Variants in APOB observed in about 807,000 individuals in gnomAD.
APOB encodes apolipoprotein B-100.
In APOB, 153 loss-of-function variants were observed where a neutral mutation model predicts 314.1. The observed-to-expected ratio is 0.49, with a 90% CI of 0.43 to 0.56. APOB has a LOEUF of 0.56. Among genes scored for constraint, APOB ranks in the 20% least tolerant of loss-of-function variants. The pLI is 0.00. For missense variants in APOB, 5,430 were observed against 5,350.7 expected (o/e 1.01, Z -0.46); for synonymous variants, 2,087 against 2,036.4 (o/e 1.02, Z -0.67).
rs771670099 is a variant in APOB, at chr2:21,006,644, A to G, written c.10224T>C (p.Gly3408=). Residue 3408 remains glycine (G), a synonymous_variant, in exon 26 of 29, where the codon GGT becomes GGC. Coordinates refer to ENST00000233242, the MANE Select transcript of APOB (RefSeq NM_000384.3). ...ALSLSNKFVE[G]SHNSTVSLTT... Reference sequence around the variant, plus strand: ...TTAAGCTCACAGTACTGTTATGACTACCCTCCACAAATTTGTTGCTCAGAG... The same window carrying G: ...TTAAGCTCACAGTACTGTTATGACTGCCCTCCACAAATTTGTTGCTCAGAG... The G allele has an allele frequency of 2.5e-6, 4 of 1,613,992 alleles. No homozygotes were observed. Among genetic ancestry groups the G allele is most frequent in the Non-Finnish European group, 3.4e-6 (4 of 1,179,956 alleles).
rs1663441681 is a variant in APOB at position 21,015,411 on chromosome 2, G to A, written c.3467C>T (p.Ala1156Val). 2 of 1,614,098 alleles carry A rather than the reference G, an allele frequency of 1.2e-6. No individual in the cohort carries two copies. The highest frequency in any genetic ancestry group is 1.7e-6 in the Non-Finnish European group (2 of 1,180,054). The change falls in exon 22 of 29, where the codon GCT (alanine) becomes GTT (valine). Residue 1156 changes from alanine to valine, a missense_variant. Physicochemically the swap from Ala to Val is moderately conservative, Grantham distance 64. Coordinates refer to ENST00000233242, the MANE Select transcript of APOB (RefSeq NM_000384.3). ...CCTCTTGGAAACTGTGGAGCCATAA[G>A]CTGTAGCAGATGAGTCCATTTGGAG... ...LLLQMDSSAT[A>V]YGSTVSKRVA...
At position 21,042,473 on chromosome 2, in the gene APOB, T is replaced by C; in HGVS notation, c.125A>G (p.Asp42Gly). 1 of 1,613,606 alleles carries C rather than the reference T, an allele frequency of 6.2e-7. No individual in the cohort carries two copies. ...CCGGAGGTGCTTGAATCGGGTCGCA[T>C]CTTCTAACGTGGGGAGAAATACGTC... Reference protein sequence around the residue: ...LENVSLVCPKDATRFKHLRKY... With the variant: ...LENVSLVCPKGATRFKHLRKY... Residue 42 changes from aspartate (D) to glycine (G), a missense_variant, in exon 3 of 29, where the codon GAT becomes GGT. By Grantham distance (94) the Asp-to-Gly change is moderately conservative (BLOSUM62 -1). Coordinates refer to ENST00000233242, the MANE Select transcript of APOB (RefSeq NM_000384.3).
rs776467440 is a variant in APOB, at chr2:21,010,399, G to A, written c.6469C>T (p.Gln2157Ter). 1 of 1,595,302 alleles carries A rather than the reference G, an allele frequency of 6.3e-7. No homozygotes were observed. Among genetic ancestry groups the A allele is most frequent in the Non-Finnish European group, 8.6e-7 (1 of 1,169,426 alleles). ...KKYRITENDIQIALDDAKINF... is the reference protein window; with the variant it reads ...KKYRITENDI ...ATTTTGGCATCATCTAATGCAATTTGTATATCATTTTCTGTAATTCTATAC... is the reference window on the plus strand; with the variant it reads ...ATTTTGGCATCATCTAATGCAATTTATATATCATTTTCTGTAATTCTATAC... The change falls in exon 26 of 29, where the codon CAA (glutamine) becomes TAA (stop). Residue 2157 changes from glutamine (Q) to a stop codon, truncating the protein, a stop_gained. Coordinates refer to ENST00000233242, the MANE Select transcript of APOB (RefSeq NM_000384.3). LOFTEE classifies it high-confidence loss of function.
In APOB at chr2:21,040,190, C is replaced by T. The variant is rs532846571; in HGVS notation, c.383+748G>A. Among the ~76,000 whole-genome samples, 4 of 152,318 alleles carry T rather than the reference C, an allele frequency of 2.6e-5. No individual in the cohort carries two copies. In the South Asian group the frequency reaches 8.3e-4, roughly 32 times the overall value. On this transcript the variant is annotated intron_variant, in intron 4 of 28. Coordinates refer to ENST00000233242, the MANE Select transcript of APOB (RefSeq NM_000384.3). ...ATGTGACTTGCTGTCCCTCACCTTC[C>T]GCCATGATTGTGAGACCTCCCCAGC...
chr2:21,032,837 TGGCC>T (rs1663913836), intron 9 of APOB, among the ~76,000 whole-genome samples: 1 of 152,220 alleles, frequency 6.6e-6, no homozygotes, highest in Non-Finnish European at 1.5e-5. Context: ...CACAGTCCTT[TGGCC>T]AGCACACAGA....
At position 21,013,145 on chromosome 2, in the gene APOB, C is replaced by T. The variant is rs1251582588; in HGVS notation, c.4216+15G>A. On this transcript the variant is annotated intron_variant, in intron 25 of 28. Coordinates refer to ENST00000233242, the MANE Select transcript of APOB (RefSeq NM_000384.3). Reference sequence around the variant, plus strand: ...TGAACTAGCCCGGTGCACCCTTTACCTGAGCATAGCTCACCTTGCACATTG... The same window carrying T: ...TGAACTAGCCCGGTGCACCCTTTACTTGAGCATAGCTCACCTTGCACATTG... The T allele has an allele frequency of 6.2e-7, 1 of 1,613,030 alleles. No homozygotes were observed. Among genetic ancestry groups the T allele is most frequent in the Admixed American group, 1.7e-5 (1 of 60,002 alleles).
intron 20 of APOB, 62 bp from the exon 21 acceptor site, chr2:21,016,711 G>A (rs1471893809): frequency 7.1e-6 from 8 of 1,128,140 alleles, no homozygotes; most frequent in East Asian, 2.3e-5. Flanking sequence ...TGGGCCGGGT[G>A]CGGTGGCTCA....
chr2:21,009,888 TC>T lies in APOB; in HGVS notation c.6979del (p.Asp2327IlefsTer4). ...ATTGATTTTCTCAGCTACTTCAAAA[TC>T]CCCAATAAGATTTATAACAAAGTGT... ...VKHFVINLIGDFEVAEKINAF... is the reference protein window; with the variant it reads ...VKHFVINLIGXFEVAEKINAF... On this transcript the variant is annotated frameshift_variant, in exon 26 of 29. Coordinates refer to ENST00000233242, the MANE Select transcript of APOB (RefSeq NM_000384.3). LOFTEE classifies it high-confidence loss of function. 3 of 1,613,978 alleles carry T rather than the reference TC, an allele frequency of 1.9e-6. No homozygotes were observed. Among genetic ancestry groups the T allele is most frequent in the Non-Finnish European group, 2.5e-6 (3 of 1,179,930 alleles).
intron 20 of APOB, among the ~76,000 whole-genome samples, chr2:21,017,431 T>C (rs1426241690): frequency 6.6e-6 from 1 of 152,184 alleles, no homozygotes; most frequent in East Asian, 1.9e-4. Flanking sequence ...TGTTATTTCA[T>C]ACTTGGTGGT....
chr2:21,006,051 T>C lies in APOB; in HGVS notation c.10817A>G (p.Gln3606Arg). The C allele has an allele frequency of 6.2e-7, 1 of 1,614,024 alleles. No homozygotes were observed. The highest frequency in any genetic ancestry group is 8.5e-7 in the Non-Finnish European group (1 of 1,179,946). Residue 3606 changes from glutamine to arginine, a missense_variant, in exon 26 of 29, where the codon CAG becomes CGG. By Grantham distance (43) the Gln-to-Arg change is conservative (BLOSUM62 1). This residue lies in a region of APOB where 3,281 missense variants were observed against 3,171.0 expected (regional missense o/e 1.03). Coordinates refer to ENST00000233242, the MANE Select transcript of APOB (RefSeq NM_000384.3). ...MSALVQVHASQPSSFHDFPDL... is the reference protein window; with the variant it reads ...MSALVQVHASRPSSFHDFPDL... Reference sequence around the variant, plus strand: ...AGGGAAATCATGGAAGGAACTGGGCTGACTTGCATGGACCTGAACAAGAGC... The same window carrying C: ...AGGGAAATCATGGAAGGAACTGGGCCGACTTGCATGGACCTGAACAAGAGC...
At chr2:21,015,949 T>C (rs1663451961) in intron 21 of APOB, among the ~76,000 whole-genome samples, 1 of 152,168 alleles carries the variant, frequency 6.6e-6, no homozygotes, top group Non-Finnish European at 1.5e-5. Flanking sequence ...AGTAAGTGCC[T>C]GATAAATGGT....
Position 21,006,398 on chromosome 2 carries a change from A to T in APOB, c.10470T>A (p.Phe3490Leu). Residue 3490 changes from phenylalanine to leucine, a missense_variant, in exon 26 of 29, where the codon TTT becomes TTA. Phe to Leu is a conservative substitution (Grantham distance 22). Around this residue, in one of 3 missense-constraint regions of APOB, gnomAD observed 3,281 missense variants for 3,171.0 expected, o/e 1.03. Coordinates refer to ENST00000233242, the MANE Select transcript of APOB (RefSeq NM_000384.3). The part of the protein sequence containing the change: ...KLSLESLTSY[F>L]SIESSTKGDV... Reference sequence around the variant, plus strand: ...CTCCTTTGGTAGATGACTCAATGGAAAAGTAAGAGGTGAGGCTTTCCAAGC... The same window carrying T: ...CTCCTTTGGTAGATGACTCAATGGATAAGTAAGAGGTGAGGCTTTCCAAGC... 1 of 1,614,088 alleles carries T rather than the reference A, an allele frequency of 6.2e-7. No homozygotes were observed. The highest frequency in any genetic ancestry group is 8.5e-7 in the Non-Finnish European group (1 of 1,179,976).
At position 21,015,536 on chromosome 2, in the gene APOB, T is replaced by C; in HGVS notation, c.3342A>G (p.Thr1114=). 1.9e-6 allele frequency: 3 copies of C among 1,613,030 alleles called. No homozygotes were observed. The East Asian group carries it at 6.7e-5, about 36-fold the overall frequency. The change falls in exon 22 of 29, where the codon ACA becomes ACG. Residue 1114 remains threonine (T), a synonymous_variant. Coordinates refer to ENST00000233242, the MANE Select transcript of APOB (RefSeq NM_000384.3). ...VALMGHLSCD[T]KEERKIKGVI... The stretch of plus-strand genomic sequence containing the variant: ...CACCCTTGATTTTTCTTTCTTCCTT[T>C]GTGTCACAACTATGGTAAAGAAAAT...
intron 25 of APOB, 101 bp from the exon 26 acceptor site, chr2:21,012,752 G>A: frequency 7.7e-7 from 1 of 1,295,144 alleles, no homozygotes; most frequent in Non-Finnish European, 1.1e-6. Context: ...ATTTTTCTGG[G>A]CCAATTGTGC....
rs1329930501 is a variant in APOB, at chr2:21,023,614, G to A, written c.2515C>T (p.Pro839Ser). The A allele has an allele frequency of 8.1e-6, 13 of 1,614,132 alleles. No homozygotes were observed. Among genetic ancestry groups the A allele is most frequent in the Non-Finnish European group, 1.1e-5 (13 of 1,180,008 alleles). Residue 839 changes from proline (P) to serine (S), a missense_variant, in exon 17 of 29, where the codon CCC (proline) becomes TCC (serine). Coordinates refer to ENST00000233242, the MANE Select transcript of APOB (RefSeq NM_000384.3). ...TGCAACTGTAATCCAGCTCCAGTGG[G>A]GAGTTCAAAGGCATTCTCCATGAAG... ...YIFMENAFEL[P>S]TGAGLQLQIS...
intron 17 of APOB, 56 bp downstream of exon 17, chr2:21,023,469 A>G (rs994772251): frequency 1.4e-5 from 22 of 1,588,132 alleles, no homozygotes; most frequent in Non-Finnish European, 1.9e-5. Context: ...TTAACAAGAA[A>G]TGCACCCTGG....
At position 21,006,186 on chromosome 2, in the gene APOB, G is replaced by T. The variant is rs778592019; in HGVS notation, c.10682C>A (p.Ser3561Tyr). Reference sequence around the variant, plus strand: ...GTTTTTCGTACTGTGCTCCCAGAGGGAATATATGCGTTGGAGTGTGGCTTC... The same window carrying T: ...GTTTTTCGTACTGTGCTCCCAGAGGTAATATATGCGTTGGAGTGTGGCTTC... ...AGEATLQRIY[S>Y]LWEHSTKNHL... The change falls in exon 26 of 29, where the codon TCC becomes TAC. Residue 3561 changes from serine to tyrosine, a missense_variant. By Grantham distance (144) the Ser-to-Tyr change is moderately radical. Transcript: ENST00000233242. 3.1e-6 allele frequency: 5 copies of T among 1,614,000 alleles called. No individual in the cohort carries two copies. Among genetic ancestry groups the T allele is most frequent in the Non-Finnish European group, 4.2e-6 (5 of 1,179,946 alleles).
rs545349871 is a variant in APOB, at chr2:21,016,811, C to T, written c.3122-162G>A. On this transcript the variant is annotated intron_variant, in intron 20 of 28. Transcript: ENST00000233242. ...CATTCTGGCTAACATGGTGAAACCC[C>T]GTCTCTACTAAAAATACAAAAAATT... Among the ~76,000 whole-genome samples, 66 of 151,880 alleles carry T rather than the reference C, an allele frequency of 4.3e-4. No individual in the cohort carries two copies. In the South Asian group the frequency reaches 6.8e-3, roughly 16 times the overall value.
chr2:21,035,793 G>A, intron 6 of APOB, 85 bp from the exon 7 acceptor site: 1 of 1,362,910 alleles, frequency 7.3e-7, no homozygotes, highest in Admixed American at 1.8e-5. Flanking sequence ...GAAGGGAGCA[G>A]GAGTCCTGTA....
Sources: gnomAD v4.1 joint callset for allele counts (sites outside exome capture counted in the v4.1 genomes callset) on GRCh38, gnomAD v4.1.1 for gene constraint, gnomAD v4.1.1 regional missense constraint, MANE v1.5 for transcripts, NCBI Gene and HGNC (gene_info 2026-07-23, HGNC 2026-07-21) for gene names.